The following ANKRD26 variants were observed in gnomAD, a reference collection of about 807,000 sequenced individuals.
ANKRD26 encodes ankyrin repeat domain-containing protein 26.
Under a neutral mutation model 208.7 loss-of-function variants are expected in ANKRD26, and 141 were observed. That is an observed-to-expected ratio of 0.68 (90% CI 0.59 to 0.78). The LOEUF (loss-of-function observed/expected upper bound fraction) is 0.78, where lower values mean the gene tolerates loss of function less well. Among genes scored for constraint, ANKRD26 ranks in the 30% least tolerant of loss-of-function variants. The probability of loss-of-function intolerance (pLI) is 0.00; values close to 1 mark genes in which losing one functional copy is unlikely to be tolerated. For missense variants in ANKRD26, 1,889 were observed against 1,938.7 expected (o/e 0.97, Z 0.48); for synonymous variants, 636 against 660.4 (o/e 0.96, Z 0.57).
At chr10:26,961,214 T>TA in the ANKRD26 span, among the ~76,000 whole-genome samples, 1,224 of 139,798 alleles carry the variant, frequency 8.8e-3, 15 homozygotes, top group African/African-American at 0.027. Flanking sequence ...AGAATCCATC[T>TA]AAAAAAAAAA....
the ANKRD26 span, among the ~76,000 whole-genome samples, chr10:26,951,635 T>C: frequency 6.6e-6 from 1 of 152,230 alleles, no homozygotes; most frequent in Non-Finnish European, 1.5e-5. Context: ...TTTAAGTAGA[T>C]ACATCGCCTG....
At chr10:27,013,947 A>G (rs1040354042) in intron 31 of ANKRD26, among the ~76,000 whole-genome samples, 3 of 152,188 alleles carry the variant, frequency 2.0e-5, no homozygotes, top group Non-Finnish European at 4.4e-5. Flanking sequence ...CTTCATCCCT[A>G]CGTTAATCAT....
At chr10:27,062,987 C>T (rs2055116382) in intron 12 of ANKRD26, among the ~76,000 whole-genome samples, 1 of 152,082 alleles carries the variant, frequency 6.6e-6, no homozygotes, top group African/African-American at 2.4e-5. Context: ...AGGCTGATCT[C>T]GAACTCCTGA....
At position 27,071,158 on chromosome 10, in the gene ANKRD26, C is replaced by CTTTTTTTTTTT. The variant is rs1564411968; in HGVS notation, c.1078-3873_1078-3872insAAAAAAAAAAA. Among the ~76,000 whole-genome samples the CTTTTTTTTTTT allele has an allele frequency of 2.3e-5, 3 of 128,728 alleles. 1 individual carries two copies. The highest frequency in any genetic ancestry group is 3.2e-5 in the Non-Finnish European group (2 of 62,466). 84.5% of individuals were successfully genotyped at this position (128,728 alleles called of 152,430 possible). A position where few individuals can be genotyped will look rare whatever the true frequency, so the allele number is the denominator to read the frequency against. On this transcript the variant is annotated intron_variant, in intron 9 of 33. Transcript: ENST00000376087. ...TGCAGAAATAAACAATTGCTACATT[C>CTTTTTTTTTTT]ATTTTTTTTTTTTTTTTTTTTTTTT... is the stretch of plus-strand genomic sequence containing the variant.
chr10:26,969,903 C>T (rs1032104890), downstream of ANKRD26, among the ~76,000 whole-genome samples: 9 of 151,142 alleles, frequency 6.0e-5, no homozygotes, highest in South Asian at 2.1e-4. Context: ...GATGCGATCT[C>T]GGCTCACTGC....
rs2054020511 is a variant in ANKRD26, at chr10:27,035,701, A to G, written c.2749T>C (p.Leu917=). Residue 917 remains leucine (L), a synonymous_variant, in exon 24 of 34, where the codon TTG becomes CTG. Transcript: ENST00000376087. ...EKDLSHKNSM[L]QEEIAMLRLE... is the part of the protein sequence containing the mutation. ...CTTAGCATAGCAATTTCTTCCTGCA[A>G]CATGCTATTTTTATGCGATAGGTCT... 6.2e-7 allele frequency: 1 copy of G among 1,604,474 alleles called. No homozygotes were observed. Among genetic ancestry groups the G allele is most frequent in the Admixed American group, 1.7e-5 (1 of 57,566 alleles).
downstream of ANKRD26, among the ~76,000 whole-genome samples, chr10:27,003,492 C>T (rs566860356): frequency 1.7e-4 from 26 of 152,142 alleles, no homozygotes; most frequent in African/African-American, 6.3e-4. Context: ...GAGTAGTAGC[C>T]AGATATTTAC....
At chr10:26,990,865 G>A (rs1291071570), downstream of ANKRD26, among the ~76,000 whole-genome samples, 1 of 152,146 alleles carries the variant, frequency 6.6e-6, no homozygotes, top group East Asian at 1.9e-4. Context: ...TGCTTTCTGA[G>A]CACTTTAATT....
At chr10:26,998,764 G>C (rs1024001818) in intron 4 of ANKRD26, among the ~76,000 whole-genome samples, 1 of 152,210 alleles carries the variant, frequency 6.6e-6, no homozygotes, top group Non-Finnish European at 1.5e-5. Flanking sequence ...TTCCAGATGA[G>C]AGGGTGCCAT....
At chr10:27,071,998 G>A (rs1036615131) in intron 9 of ANKRD26, among the ~76,000 whole-genome samples, 19 of 152,234 alleles carry the variant, frequency 1.2e-4, no homozygotes, top group Non-Finnish European at 2.6e-4. Context: ...ATCACAGGTG[G>A]AGAGAAGCTC....
At position 27,004,364 on chromosome 10, in the gene ANKRD26, A is replaced by AATAAACC. The variant is rs948762299; in HGVS notation, c.*1219_*1225dup. On this transcript the variant is annotated 3_prime_UTR_variant, in exon 34 of 34. Coordinates refer to ENST00000376087, the MANE Select transcript of ANKRD26 (RefSeq NM_014915.3). ...TAATGAATTATAACTCACTGAATAA[A>AATAAACC]ATAAACCATGAATCCATGGTTTATT... The AATAAACC allele has an allele frequency of 6.6e-6, 1 of 152,156 alleles. No homozygotes were observed. The highest frequency in any genetic ancestry group is 1.5e-5 in the Non-Finnish European group (1 of 68,022). 9.4% of individuals were successfully genotyped at this position (152,156 alleles called of 1,614,324 possible).
intron 4 of ANKRD26, among the ~76,000 whole-genome samples, chr10:27,088,789 C>T (rs371933380): frequency 6.6e-6 from 1 of 152,162 alleles, no homozygotes; most frequent in East Asian, 1.9e-4. Context: ...ATTATTTGAA[C>T]CTGACAGTTG....
At chr10:26,986,704 G>T (rs1435049899) in intron 3 of ANKRD26, among the ~76,000 whole-genome samples, 1 of 152,126 alleles carries the variant, frequency 6.6e-6, no homozygotes. Context: ...GGCCATCAGA[G>T]AAATGCAAAT....
intron 20 of ANKRD26, among the ~76,000 whole-genome samples, chr10:27,040,401 T>G (rs1297326423): frequency 6.6e-6 from 1 of 152,080 alleles, no homozygotes; most frequent in Non-Finnish European, 1.5e-5. Flanking sequence ...ACAAAAAAAG[T>G]GACAATTATG....
chr10:27,011,933 A>G (rs1460242344), intron 32 of ANKRD26, among the ~76,000 whole-genome samples: 1 of 152,214 alleles, frequency 6.6e-6, no homozygotes, highest in African/African-American at 2.4e-5. Flanking sequence ...TTGCCCAGTA[A>G]TAGACACATT....
chr10:27,067,037 C>A (rs2055276714), intron 10 of ANKRD26, 120 bp downstream of exon 10: 7 of 1,117,488 alleles, frequency 6.3e-6, no homozygotes, highest in Non-Finnish European at 2.7e-6. Context: ...GAACTCCTGA[C>A]CTCAGGTGAT....
chr10:27,006,271 C>A (rs2052876732), intron 33 of ANKRD26, among the ~76,000 whole-genome samples: 1 of 152,186 alleles, frequency 6.6e-6, no homozygotes, highest in Admixed American at 6.5e-5. Flanking sequence ...AGGAAGCTCC[C>A]TGTGGAATTC....
intron 4 of ANKRD26, among the ~76,000 whole-genome samples, chr10:27,089,867 CT>C (rs1027549134): frequency 5.3e-5 from 8 of 151,368 alleles, no homozygotes; most frequent in Admixed American, 2.6e-4. Flanking sequence ...TGATTTCTGG[CT>C]GATGAAGTAG....
chr10:26,958,375 C>T, the ANKRD26 span, among the ~76,000 whole-genome samples: 5 of 152,184 alleles, frequency 3.3e-5, no homozygotes, highest in East Asian at 3.9e-4. Context: ...CATGAGCCAC[C>T]GTGTTCAGCC....
Sources: allele counts gnomAD v4.1 joint callset (sites outside exome capture counted in the v4.1 genomes callset), GRCh38; gene constraint gnomAD v4.1.1; transcripts MANE v1.5; gene names NCBI Gene and HGNC (gene_info 2026-07-23, HGNC 2026-07-21).